ERBB4: variants seen among roughly 807,000 people sequenced by gnomAD.
The protein encoded by ERBB4 is erb-b2 receptor tyrosine kinase 4, also known as receptor tyrosine-protein kinase erbB-4.
ERBB4 carries 42 observed loss-of-function variants against 158.0 expected under a neutral mutation model. That is an observed-to-expected ratio of 0.27 (90% CI 0.21 to 0.34). The LOEUF (loss-of-function observed/expected upper bound fraction) is 0.34. Among genes scored for constraint, ERBB4 ranks in the 10% least tolerant of loss-of-function variants. The pLI, the probability that ERBB4 is intolerant of heterozygous loss-of-function variation, is 1.00. For synonymous variants in ERBB4, 583 were observed against 558.7 expected, an observed-to-expected ratio of 1.04 and a Z score of -0.61; for missense variants, 1,333 against 1,624.1, an observed-to-expected ratio of 0.82 and a Z score of 3.08.
At chr2:212,158,150 C>A (rs2081096996) in intron 1 of ERBB4, among the ~76,000 whole-genome samples, 1 of 152,014 alleles carries the variant, frequency 6.6e-6, no homozygotes, top group Non-Finnish European at 1.5e-5. Context: ...ATATTATATC[C>A]ATTTTGCAGA....
chr2:212,372,919 C>G (rs2090138683), intron 1 of ERBB4, among the ~76,000 whole-genome samples: 1 of 152,036 alleles, frequency 6.6e-6, no homozygotes. Flanking sequence ...TCTCTCAAGA[C>G]AAGATTAAAA....
At chr2:211,833,831 A>G (rs1004272823) in intron 3 of ERBB4, among the ~76,000 whole-genome samples, 3 of 152,078 alleles carry the variant, frequency 2.0e-5, no homozygotes, top group African/African-American at 7.2e-5. Flanking sequence ...TTCAAACTAT[A>G]TTAAAGTATC....
At chr2:211,998,203 C>G (rs2076013704) in intron 2 of ERBB4, among the ~76,000 whole-genome samples, 1 of 151,726 alleles carries the variant, frequency 6.6e-6, no homozygotes, top group South Asian at 2.1e-4. Context: ...AATGAAACCA[C>G]CAAGAAACAG....
At chr2:211,669,216 C>CAAAAAAA (rs71054124) in intron 14 of ERBB4, among the ~76,000 whole-genome samples, 1,074 of 51,594 alleles carry the variant, frequency 0.021, no homozygotes, top group East Asian at 0.027. Flanking sequence ...GAGTGAGTCT[C>CAAAAAAA]AAAAAAAAAA....
chr2:211,500,882 T>C (rs1362570475), intron 20 of ERBB4, among the ~76,000 whole-genome samples: 1 of 152,016 alleles, frequency 6.6e-6, no homozygotes, highest in Non-Finnish European at 1.5e-5. Flanking sequence ...AGGTTTGGCA[T>C]TAGTGAAATT....
chr2:212,233,005 T>G (rs2083722159), intron 1 of ERBB4, among the ~76,000 whole-genome samples: 1 of 152,200 alleles, frequency 6.6e-6, no homozygotes, highest in Non-Finnish European at 1.5e-5. Context: ...CAATACTTAT[T>G]CCTGAATGCA....
intron 16 of ERBB4, among the ~76,000 whole-genome samples, chr2:211,654,640 C>T (rs1448833781): frequency 6.6e-6 from 1 of 152,168 alleles, no homozygotes; most frequent in Non-Finnish European, 1.5e-5. Context: ...AAGCTGTATG[C>T]TGGCTATTGT....
At chr2:212,325,018 CAA>C (rs77736755) in intron 1 of ERBB4, among the ~76,000 whole-genome samples, 2 of 148,918 alleles carry the variant, frequency 1.3e-5, no homozygotes, top group East Asian at 3.9e-4. Context: ...ACAAGCAACC[CAA>C]AAAAAAACTC....
At chr2:211,511,282 G>T (rs1299527276) in intron 20 of ERBB4, among the ~76,000 whole-genome samples, 1 of 151,822 alleles carries the variant, frequency 6.6e-6, no homozygotes, top group African/African-American at 2.4e-5. Flanking sequence ...ATAGGACCTT[G>T]AAAAATATGT....
intron 1 of ERBB4, among the ~76,000 whole-genome samples, chr2:212,479,669 T>G (rs942108366): frequency 2.6e-5 from 4 of 152,114 alleles, no homozygotes; most frequent in African/African-American, 9.7e-5. Context: ...CCACTCACAA[T>G]CACCGTAATT....
chr2:211,970,965 A>C (rs2081436608), intron 2 of ERBB4, among the ~76,000 whole-genome samples: 1 of 152,158 alleles, frequency 6.6e-6, no homozygotes, highest in South Asian at 2.1e-4. Flanking sequence ...GTTGCTTTAC[A>C]GCATCACTGG....
chr2:211,638,104 ATTC>A (rs1215853830), intron 16 of ERBB4, among the ~76,000 whole-genome samples: 8 of 152,058 alleles, frequency 5.3e-5, no homozygotes, highest in Non-Finnish European at 7.4e-5. Context: ...TATAAGTGAC[ATTC>A]TTCTTCTTTT....
chr2:212,014,985 G>A (rs1357038691), intron 2 of ERBB4, among the ~76,000 whole-genome samples: 1 of 139,464 alleles, frequency 7.2e-6, no homozygotes, highest in African/African-American at 2.7e-5. Context: ...GAGGTAAGGA[G>A]AACAAGACCA....
chr2:211,380,603 C>T lies in ERBB4; in HGVS notation c.*3012G>A, dbSNP rs1400077053. 1 of 231,788 alleles carries T rather than the reference C, an allele frequency of 4.3e-6. No homozygotes were observed. Among genetic ancestry groups the T allele is most frequent in the African/African-American group, 2.2e-5 (1 of 45,232 alleles). The allele number at this position is 231,788 out of a possible 1,614,324, so 14.4% of individuals were successfully genotyped here. A position where few individuals can be genotyped will look rare whatever the true frequency, so the allele number is the denominator to read the frequency against. ...GGAAGGAATGAAACTTTTTTTCTCCCTCTTATACATGCTGAAATATGTTTT... is the reference window on the plus strand; with the variant it reads ...GGAAGGAATGAAACTTTTTTTCTCCTTCTTATACATGCTGAAATATGTTTT... On this transcript the variant is annotated 3_prime_UTR_variant, in exon 28 of 28. Transcript: ENST00000342788.
chr2:211,440,991 C>T (rs911189532), intron 20 of ERBB4, among the ~76,000 whole-genome samples: 7 of 152,204 alleles, frequency 4.6e-5, no homozygotes, highest in African/African-American at 1.7e-4. Flanking sequence ...CACCTACATA[C>T]TTCCTTCTGG....
intron 5 of ERBB4, among the ~76,000 whole-genome samples, chr2:211,734,786 T>G (rs1180145685): frequency 1.3e-5 from 2 of 150,970 alleles, no homozygotes; most frequent in African/African-American, 4.9e-5. Context: ...CCAGGCGTGG[T>G]GGCGGGCGCC....
intron 1 of ERBB4, among the ~76,000 whole-genome samples, chr2:212,191,935 A>G (rs374361816): frequency 4.2e-5 from 5 of 118,928 alleles, no homozygotes; most frequent in Admixed American, 1.1e-4. Flanking sequence ...TATATATTAT[A>G]TATGATGCAT....
At chr2:212,457,743 T>C (rs541709116) in intron 1 of ERBB4, among the ~76,000 whole-genome samples, 1 of 152,194 alleles carries the variant, frequency 6.6e-6, no homozygotes, top group Non-Finnish European at 1.5e-5. Flanking sequence ...GATAACTTCC[T>C]GGTAAAGAGT....
chr2:211,693,852 T>A (rs1037307087), intron 12 of ERBB4, among the ~76,000 whole-genome samples: 10 of 152,270 alleles, frequency 6.6e-5, no homozygotes, highest in African/African-American at 2.2e-4. Context: ...AGAGGGAGAA[T>A]GTTCTATGGT....
Sources: gnomAD v4.1 joint callset for allele counts (sites outside exome capture counted in the v4.1 genomes callset) on GRCh38, gnomAD v4.1.1 for gene constraint, MANE v1.5 for transcripts, NCBI Gene and HGNC (gene_info 2026-07-23, HGNC 2026-07-21) for gene names.